The following STMN2 variants were observed in gnomAD, a reference collection of about 807,000 sequenced individuals.
STMN2 encodes stathmin-2.
Under a neutral mutation model 24.1 loss-of-function variants are expected in STMN2, and 2 were observed. The observed-to-expected ratio is 0.08, with a 90% CI of 0.03 to 0.26. The LOEUF is 0.26. STMN2 is among the 10% of genes least tolerant of loss of function. The pLI is 1.00. For missense variants in STMN2, 114 were observed against 213.6 expected (o/e 0.53, Z 2.91); for synonymous variants, 83 against 77.5 (o/e 1.07, Z -0.37).
intron 3 of STMN2, among the ~76,000 whole-genome samples, chr8:79,642,998 A>G (rs1810136675): frequency 6.7e-6 from 1 of 148,344 alleles, no homozygotes; most frequent in South Asian, 2.1e-4. Flanking sequence ...ATATAAATAT[A>G]ACAATGGTAA....
intron 1 of STMN2, among the ~76,000 whole-genome samples, chr8:79,614,182 G>T (rs975049582): frequency 9.9e-5 from 15 of 151,930 alleles, no homozygotes; most frequent in African/African-American, 2.7e-4. Flanking sequence ...TAATTTAACT[G>T]CATTTGCAAA....
At chr8:79,614,526 ACT>A (rs1232052048) in intron 1 of STMN2, among the ~76,000 whole-genome samples, 1 of 152,334 alleles carries the variant, frequency 6.6e-6, no homozygotes, top group African/African-American at 2.4e-5. Flanking sequence ...TGCAATAAAC[ACT>A]CTCTGTCCCA....
intron 3 of STMN2, among the ~76,000 whole-genome samples, chr8:79,645,042 C>T (rs1810190010): frequency 6.6e-6 from 1 of 152,008 alleles, no homozygotes; most frequent in South Asian, 2.1e-4. Flanking sequence ...GTAATCCCAG[C>T]TACTGGGGAG....
intron 1 of STMN2, among the ~76,000 whole-genome samples, chr8:79,623,173 A>G (rs1809558762): frequency 6.6e-6 from 1 of 152,336 alleles, no homozygotes; most frequent in Non-Finnish European, 1.5e-5. Flanking sequence ...ACCTTAGATG[A>G]GTATGGTGAT....
At chr8:79,636,744 G>A in intron 1 of STMN2, 58 bp from the exon 2 acceptor site, 4 of 1,460,196 alleles carry the variant, frequency 2.7e-6, no homozygotes, top group Non-Finnish European at 3.8e-6. Flanking sequence ...ATTAAAGGAA[G>A]CAGTAAAGAG....
chr8:79,615,280 G>A (rs1179319435), intron 1 of STMN2, among the ~76,000 whole-genome samples: 3 of 152,126 alleles, frequency 2.0e-5, no homozygotes, highest in Non-Finnish European at 4.4e-5. Context: ...CACATGCTCA[G>A]GCTACCTTGG....
chr8:79,642,424 T>G (rs907225805), intron 3 of STMN2, among the ~76,000 whole-genome samples: 1 of 152,214 alleles, frequency 6.6e-6, no homozygotes, highest in East Asian at 1.9e-4. Context: ...AAAATGGAAT[T>G]CTTTTATGTA....
At chr8:79,662,455 A>T (rs533302692) in intron 4 of STMN2, among the ~76,000 whole-genome samples, 175 of 152,192 alleles carry the variant, frequency 1.1e-3, no homozygotes, top group African/African-American at 4.2e-3. Flanking sequence ...AGAAAAACAG[A>T]CTGTATGGGA....
chr8:79,655,105 C>CA (rs762846789), intron 4 of STMN2, 43 bp downstream of exon 4: 2 of 1,596,610 alleles, frequency 1.3e-6, no homozygotes. Flanking sequence ...TATTCATATG[C>CA]AGCACAGCTG....
Position 79,657,731 on chromosome 8 carries a change from C to A in STMN2, c.480+2669C>A, listed in dbSNP as rs551081096. On this transcript the variant is annotated intron_variant, in intron 4 of 4. Coordinates refer to ENST00000220876, the MANE Select transcript of STMN2 (RefSeq NM_007029.4). ...TTATCTCCTCAATAAAAAGGAAATA[C>A]CATATTTACTTTGATTTGATGTATA... 7.9e-5 allele frequency among the ~76,000 whole-genome samples: 12 copies of A among 152,228 alleles called. No homozygotes were observed. The East Asian group carries it at 2.3e-3, about 29-fold the overall frequency.
chr8:79,660,375 C>G (rs902554417), intron 4 of STMN2, among the ~76,000 whole-genome samples: 2 of 152,108 alleles, frequency 1.3e-5, no homozygotes, highest in African/African-American at 4.8e-5. Flanking sequence ...CTTTCAGTAT[C>G]GTTTAGAAAG....
rs368499848 is a variant in STMN2 at position 79,664,895 on chromosome 8, G to T, written c.*21G>T. On this transcript the variant is annotated 3_prime_UTR_variant, in exon 5 of 5. Transcript: ENST00000220876. The stretch of plus-strand genomic sequence containing the variant: ...GCTGAAGCAAGGGAGGGTCTGGCAC[G>T]CCCCACCAATAGTAAATCCCCCTGC... 3.1e-6 allele frequency: 5 copies of T among 1,608,826 alleles called. No homozygotes were observed. The highest frequency in any genetic ancestry group is 1.7e-4 in the Middle Eastern group (1 of 6,046).
intron 1 of STMN2, among the ~76,000 whole-genome samples, chr8:79,624,873 G>C (rs377522879): frequency 1.3e-5 from 2 of 152,104 alleles, no homozygotes; most frequent in African/African-American, 4.8e-5. Flanking sequence ...TGAATTTGAC[G>C]ATAGCCACAT....
chr8:79,658,943 A>G (rs927213112), intron 4 of STMN2, among the ~76,000 whole-genome samples: 3 of 152,200 alleles, frequency 2.0e-5, no homozygotes, highest in East Asian at 1.9e-4. Context: ...AGGGCCAAGA[A>G]CCTTGTATTA....
intron 3 of STMN2, among the ~76,000 whole-genome samples, chr8:79,654,420 A>C (rs1810401803): frequency 6.6e-6 from 1 of 152,178 alleles, no homozygotes; most frequent in Non-Finnish European, 1.5e-5. Context: ...ATGAAAATTG[A>C]AAAGCTTATT....
intron 1 of STMN2, among the ~76,000 whole-genome samples, chr8:79,627,187 A>G (rs1007029889): frequency 6.6e-6 from 1 of 152,214 alleles, no homozygotes; most frequent in Non-Finnish European, 1.5e-5. Context: ...TAGGCTGAAT[A>G]AACAAGAGAA....
intron 3 of STMN2, among the ~76,000 whole-genome samples, chr8:79,644,508 G>A (rs988088634): frequency 3.3e-5 from 5 of 152,200 alleles, no homozygotes; most frequent in Non-Finnish European, 7.3e-5. Context: ...TTATGGCCAA[G>A]AGGATGTAGT....
At chr8:79,658,383 T>C (rs1292419029) in intron 4 of STMN2, among the ~76,000 whole-genome samples, 1 of 152,242 alleles carries the variant, frequency 6.6e-6, no homozygotes, top group Non-Finnish European at 1.5e-5. Flanking sequence ...TGAATATGTA[T>C]TGAGTCCCTA....
chr8:79,625,254 C>G (rs568128693), intron 1 of STMN2, among the ~76,000 whole-genome samples: 4 of 152,126 alleles, frequency 2.6e-5, no homozygotes, highest in Non-Finnish European at 4.4e-5. Flanking sequence ...ATATTGATGA[C>G]TTCTTTTAGG....
Sources: gnomAD v4.1 joint callset for allele counts (sites outside exome capture counted in the v4.1 genomes callset) on GRCh38, gnomAD v4.1.1 for gene constraint, MANE v1.5 for transcripts, NCBI Gene and HGNC (gene_info 2026-07-23, HGNC 2026-07-21) for gene names.